The following LRRC74B variants were observed in gnomAD, a reference collection of about 807,000 sequenced individuals.
LRRC74B encodes leucine rich repeat containing 74B.
Under a neutral mutation model 16.6 loss-of-function variants are expected in LRRC74B, and 30 were observed. The ratio of observed to expected loss-of-function variants is 1.80; its 90% CI spans 1.35 to 2.45. The LOEUF is 2.45. LRRC74B is among the 30% of genes most tolerant of loss of function. The pLI is 0.00. For synonymous variants in LRRC74B, 134 were observed against 86.0 expected (o/e 1.56, Z -3.09); for missense variants, 326 against 202.4 (o/e 1.61, Z -3.71).
At chr22:21,053,602 C>T (rs1930246691) in intron 6 of LRRC74B, 127 bp downstream of exon 6, 2 of 603,998 alleles carry the variant, frequency 3.3e-6, no homozygotes, top group African/African-American at 3.7e-5. Context: ...GCAGCTCTGT[C>T]ATCCTTATCA....
chr22:21,048,601 T>C (rs1046934034), intron 3 of LRRC74B: 6 of 334,402 alleles, frequency 1.8e-5, no homozygotes. Context: ...ACTTGGGCTA[T>C]TATTGCCAAT....
intron 3 of LRRC74B, 24 bp downstream of exon 3, chr22:21,048,040 T>C (rs1186106718): frequency 4.2e-6 from 3 of 716,666 alleles, no homozygotes; most frequent in African/African-American, 3.5e-5. Flanking sequence ...CTGGGGCAGG[T>C]GGGCAGGCGT....
At chr22:21,047,693 G>A (rs1455560117) in intron 2 of LRRC74B, among the ~76,000 whole-genome samples, 191 bp from the exon 3 acceptor site, 3 of 152,170 alleles carry the variant, frequency 2.0e-5, no homozygotes, top group African/African-American at 7.2e-5. Context: ...GATCCTGCAG[G>A]CTCCTAACCC....
At chr22:21,053,517 A>T (rs1035715437) in intron 6 of LRRC74B, 42 bp downstream of exon 6, 1 of 707,460 alleles carries the variant, frequency 1.4e-6, no homozygotes. Flanking sequence ...CATGGGCTCC[A>T]TGATCTTGCT....
chr22:21,059,697 G>A (rs1930718111), intron 8 of LRRC74B, among the ~76,000 whole-genome samples: 1 of 152,156 alleles, frequency 6.6e-6, no homozygotes, highest in African/African-American at 2.4e-5. Context: ...GAGCTTTGAG[G>A]GAAATAGTTT....
intron 4 of LRRC74B, among the ~76,000 whole-genome samples, chr22:21,050,324 C>T (rs1052963151): frequency 6.6e-6 from 1 of 151,826 alleles, no homozygotes; most frequent in African/African-American, 2.4e-5. Context: ...TGTGGGCCAC[C>T]GCGCCTGGCC....
intron 3 of LRRC74B, 69 bp from the exon 4 acceptor site, chr22:21,048,882 G>A: frequency 1.4e-6 from 1 of 692,710 alleles, no homozygotes; most frequent in Non-Finnish European, 2.7e-6. Flanking sequence ...TGGAGGTTTG[G>A]GGGATGGCAG....
chr22:21,046,239 C>T, intron 1 of LRRC74B, 114 bp downstream of exon 1: 1 of 624,698 alleles, frequency 1.6e-6, no homozygotes. Flanking sequence ...GCCTGCGGGG[C>T]GCCTCCAGCC....
At chr22:21,054,896 T>C (rs991176134) in intron 6 of LRRC74B, among the ~76,000 whole-genome samples, 15 of 152,240 alleles carry the variant, frequency 9.9e-5, no homozygotes, top group African/African-American at 3.6e-4. Flanking sequence ...TTTAGGTGTG[T>C]TTGCCGTGTG....
exon 2 of LRRC74B, chr22:21,047,475 C>T (rs919421223): frequency 2.8e-5 from 20 of 717,384 alleles, no homozygotes; most frequent in African/African-American, 8.7e-5. Context: ...GCTGAACCTC[C>T]GGCACCGTGG....
rs540368015 is a variant in LRRC74B, at chr22:21,060,199, A to T, written c.1024-174A>T. 3.3e-5 allele frequency among the ~76,000 whole-genome samples: 5 copies of T among 152,076 alleles called. No individual in the cohort carries two copies. The South Asian group carries it at 1.0e-3, about 32-fold the overall frequency. ...AAATAAATACAGCAGGCCTCTAAAC[A>T]TCCCCCATTGTCCCCTTCTCTCCTG... On this transcript the variant is annotated intron_variant, in intron 8 of 8. Transcript: ENST00000442047.
exon 2 of LRRC74B, chr22:21,047,498 G>A (rs1175798730): frequency 1.4e-6 from 1 of 717,392 alleles, no homozygotes; most frequent in South Asian, 1.5e-5. Flanking sequence ...TGGGGCCCCA[G>A]GTACCACTGG....
At chr22:21,049,835 GC>G (rs1929846222) in intron 4 of LRRC74B, among the ~76,000 whole-genome samples, 1 of 152,072 alleles carries the variant, frequency 6.6e-6, no homozygotes, top group Non-Finnish European at 1.5e-5. Context: ...TCACTGTCAT[GC>G]CCCTGAGCAT....
chr22:21,050,696 T>C (rs1335459818), intron 4 of LRRC74B, among the ~76,000 whole-genome samples: 11 of 147,982 alleles, frequency 7.4e-5, no homozygotes, highest in Non-Finnish European at 1.6e-4. Context: ...GAGAATGGCA[T>C]GAACCCAGGA....
chr22:21,050,968 G>A (rs112199184), intron 4 of LRRC74B, among the ~76,000 whole-genome samples: 1,653 of 123,410 alleles, frequency 0.013, 46 homozygotes, highest in African/African-American at 0.05. Flanking sequence ...GCAACAGAGC[G>A]AGACTCCGTC....
intron 1 of LRRC74B, 98 bp downstream of exon 1, chr22:21,046,223 G>A (rs1490553056): frequency 4.7e-6 from 3 of 642,766 alleles, no homozygotes; most frequent in African/African-American, 3.7e-5. Context: ...AGCAGGGAAC[G>A]TACCCGCCTG....
At chr22:21,057,307 A>G in intron 8 of LRRC74B, 107 bp downstream of exon 8, 1 of 649,726 alleles carries the variant, frequency 1.5e-6, no homozygotes, top group South Asian at 1.8e-5. Flanking sequence ...AGCCCTGCCC[A>G]GTTACACAGC....
In LRRC74B at chr22:21,055,090, T is replaced by C. The variant is rs576499517; in HGVS notation, c.849-8T>C. On this transcript the variant is annotated splice_region_variant and splice_polypyrimidine_tract_variant and intron_variant, in intron 6 of 8. Coordinates refer to ENST00000442047, the Ensembl canonical transcript of LRRC74B. ...GCACAATGCATGTGCCTGTTGTTTT[T>C]GTTGCAGTAACAACCGCATCTCTGC... The C allele has an allele frequency of 1.2e-4, 84 of 716,992 alleles. No individual in the cohort carries two copies. The African/African-American group carries it at 1.4e-3, about 12-fold the overall frequency. 44.4% of individuals were successfully genotyped at this position (716,992 alleles called of 1,614,324 possible).
At chr22:21,057,281 G>T (rs973301663) in intron 8 of LRRC74B, 81 bp downstream of exon 8, 12 of 680,600 alleles carry the variant, frequency 1.8e-5, no homozygotes, top group Admixed American at 1.4e-4. Context: ...AGAAAGTGAG[G>T]GTTACAGAAA....
Sources: allele counts gnomAD v4.1 joint callset (sites outside exome capture counted in the v4.1 genomes callset), GRCh38; gene constraint gnomAD v4.1.1; transcripts MANE v1.5; gene names NCBI Gene and HGNC (gene_info 2026-07-23, HGNC 2026-07-21).